Variants in C3orf33 observed in about 807,000 individuals in gnomAD.
C3orf33 encodes mitochondrial inner membrane subdomain organizer 1.
In C3orf33, 23 loss-of-function variants were observed where a neutral mutation model predicts 28.7. That is an observed-to-expected ratio of 0.80 (90% CI 0.58 to 1.13). C3orf33 has a LOEUF of 1.13. C3orf33 is among the 50% of genes most tolerant of loss of function. C3orf33 has a pLI of 0.00. For missense variants in C3orf33, 327 were observed against 353.4 expected, an observed-to-expected ratio of 0.93 and a Z score of 0.60; for synonymous variants, 119 against 120.5, an observed-to-expected ratio of 0.99 and a Z score of 0.08.
intron 3 of C3orf33, among the ~76,000 whole-genome samples, chr3:155,772,040 C>CAA (rs149370005): frequency 6.6e-6 from 1 of 151,748 alleles, no homozygotes; most frequent in African/African-American, 2.4e-5. Flanking sequence ...CCCCTTTCTA[C>CAA]AAAAAAAACT....
At chr3:155,800,124 A>G (rs561866490) in intron 2 of C3orf33, among the ~76,000 whole-genome samples, 6 of 152,168 alleles carry the variant, frequency 3.9e-5, no homozygotes, top group Non-Finnish European at 8.8e-5. Flanking sequence ...TGAATACCCT[A>G]TTTACTCTGA....
chr3:155,793,310 G>T (rs191824005), intron 2 of C3orf33, among the ~76,000 whole-genome samples: 34 of 150,690 alleles, frequency 2.3e-4, no homozygotes, highest in Non-Finnish European at 3.4e-4. Context: ...AACAAAAGCT[G>T]AGGGACTTCC....
chr3:155,768,081 T>C (rs1284946579), intron 3 of C3orf33, among the ~76,000 whole-genome samples: 1 of 152,100 alleles, frequency 6.6e-6, no homozygotes, highest in Non-Finnish European at 1.5e-5. Context: ...GGTCTCGTTA[T>C]GTTGGCCAAG....
intron 2 of C3orf33, among the ~76,000 whole-genome samples, chr3:155,786,634 CTGGCCAACG>C (rs1751124924): frequency 6.6e-6 from 1 of 152,068 alleles, no homozygotes; most frequent in South Asian, 2.1e-4. Flanking sequence ...TGAGACCAAC[CTGGCCAACG>C]TGGCGAAACC....
At chr3:155,804,075 G>T (rs766533557) in intron 1 of C3orf33, 1 of 295,260 alleles carries the variant, frequency 3.4e-6, no homozygotes, top group Non-Finnish European at 6.5e-6. Context: ...ACTCAGGAGG[G>T]TGAGGCAGGA....
At chr3:155,804,139 GC>G in intron 1 of C3orf33, 1 of 401,898 alleles carries the variant, frequency 2.5e-6, no homozygotes, top group Non-Finnish European at 4.8e-6. Context: ...TCACACCATT[GC>G]ACTCCAGCCT....
chr3:155,803,269 A>G (rs958812526), intron 1 of C3orf33, among the ~76,000 whole-genome samples: 23 of 152,156 alleles, frequency 1.5e-4, no homozygotes, highest in African/African-American at 5.6e-4. Flanking sequence ...AACTAGGTAT[A>G]TAAGAAATGA....
At chr3:155,787,595 G>A (rs1406529895) in intron 2 of C3orf33, among the ~76,000 whole-genome samples, 8 of 151,612 alleles carry the variant, frequency 5.3e-5, no homozygotes, top group South Asian at 2.1e-4. Flanking sequence ...CAGGCAATCC[G>A]TCTGCCTCAG....
intron 2 of C3orf33, among the ~76,000 whole-genome samples, chr3:155,797,923 T>C (rs934311871): frequency 2.4e-4 from 37 of 151,922 alleles, no homozygotes; most frequent in African/African-American, 8.9e-4. Context: ...ATACAAAAAT[T>C]AGCCGGGCAT....
At chr3:155,781,471 T>TA (rs574504838) in intron 2 of C3orf33, among the ~76,000 whole-genome samples, 2 of 152,062 alleles carry the variant, frequency 1.3e-5, no homozygotes, top group Non-Finnish European at 2.9e-5. Context: ...CACTATTACT[T>TA]AAAAATAGTG....
At chr3:155,776,759 C>CAAAAAAAAAAAAAAAAAAAAAAAAAAAA (rs10654812) in intron 2 of C3orf33, among the ~76,000 whole-genome samples, 4 of 86,886 alleles carry the variant, frequency 4.6e-5, no homozygotes, top group African/African-American at 1.3e-4. Flanking sequence ...CTGACTCTGT[C>CAAAAAAAAAAAAAAAAAAAAAAAAAAAA]AAAAAAAAAA....
In C3orf33 at chr3:155,762,855, G is replaced by T; in HGVS notation, c.*662C>A. ...CTGCACTCCTGCCTGGGTGACAAGA[G>T]CGAAACTCCATGTCAAAACAAAAAA... On this transcript the variant is annotated 3_prime_UTR_variant, in exon 5 of 5. Coordinates refer to ENST00000340171, the MANE Select transcript of C3orf33 (RefSeq NM_001308229.2). The T allele has an allele frequency of 6.6e-6, 1 of 152,066 alleles. No homozygotes were observed. The highest frequency in any genetic ancestry group is 1.5e-5 in the Non-Finnish European group (1 of 68,002). The allele number at this position is 152,066 out of a possible 1,614,324, so 9.4% of individuals were successfully genotyped here. A position where few individuals can be genotyped will look rare whatever the true frequency, so the allele number is the denominator to read the frequency against.
chr3:155,776,365 A>G (rs1055068533), intron 2 of C3orf33, among the ~76,000 whole-genome samples: 5 of 152,214 alleles, frequency 3.3e-5, no homozygotes, highest in Admixed American at 2.6e-4. Flanking sequence ...CAACATTAGG[A>G]CTGTACTACA....
chr3:155,795,633 A>G lies in C3orf33; in HGVS notation c.174+6899T>C, dbSNP rs1327755371. Among the ~76,000 whole-genome samples, 3 of 152,258 alleles carry G rather than the reference A, an allele frequency of 2.0e-5. No individual in the cohort carries two copies. In the East Asian group the frequency reaches 5.8e-4, roughly 29 times the overall value. On this transcript the variant is annotated intron_variant, in intron 2 of 4. Coordinates refer to ENST00000340171, the MANE Select transcript of C3orf33 (RefSeq NM_001308229.2). The stretch of plus-strand genomic sequence containing the variant: ...GACCACTGAGTCAACAAAAAGATTA[A>G]GAAAGAAATTTAAAAATTTCTTGAA...
intron 3 of C3orf33, among the ~76,000 whole-genome samples, chr3:155,774,549 A>G (rs1032703123): frequency 6.6e-6 from 1 of 152,140 alleles, no homozygotes; most frequent in Non-Finnish European, 1.5e-5. Context: ...GGAAAGTGGC[A>G]TCTTACACCA....
chr3:155,805,264 G>A (rs1751775817), intron 1 of C3orf33, among the ~76,000 whole-genome samples: 1 of 151,910 alleles, frequency 6.6e-6, no homozygotes. Flanking sequence ...GGAGTTCAAG[G>A]CCAGCCTGGG....
intron 3 of C3orf33, among the ~76,000 whole-genome samples, chr3:155,774,376 G>A (rs1411226222): frequency 6.6e-6 from 1 of 152,192 alleles, no homozygotes; most frequent in Non-Finnish European, 1.5e-5. Flanking sequence ...CAGAAGAGCT[G>A]ACAGTTGAGC....
intron 2 of C3orf33, among the ~76,000 whole-genome samples, chr3:155,776,814 A>G (rs1750764441): frequency 6.7e-6 from 1 of 150,304 alleles, no homozygotes; most frequent in Non-Finnish European, 1.5e-5. Flanking sequence ...TTCCTATGAC[A>G]GTAAGGTTGA....
chr3:155,771,143 C>A (rs1179657354), intron 3 of C3orf33, among the ~76,000 whole-genome samples: 1 of 150,260 alleles, frequency 6.7e-6, no homozygotes, highest in Non-Finnish European at 1.5e-5. Context: ...TTTTGCTCTG[C>A]CACCCAGGCT....
Sources: gnomAD v4.1 joint callset for allele counts (sites outside exome capture counted in the v4.1 genomes callset) on GRCh38, gnomAD v4.1.1 for gene constraint, MANE v1.5 for transcripts, NCBI Gene and HGNC (gene_info 2026-07-23, HGNC 2026-07-21) for gene names.